The following GPC5 variants were observed in gnomAD, a reference collection of about 807,000 sequenced individuals.
GPC5 encodes glypican-5.
In GPC5, 47 loss-of-function variants were observed where a neutral mutation model predicts 53.9. The ratio of observed to expected loss-of-function variants is 0.87; its 90% confidence interval spans 0.69 to 1.11. GPC5 has a LOEUF of 1.11. Among genes scored for constraint, GPC5 ranks in the 50% most tolerant of loss-of-function variants. The pLI, the probability that GPC5 is intolerant of heterozygous loss-of-function variation, is 0.00. For synonymous variants in GPC5, 286 were observed against 263.3 expected (o/e 1.09, Z -0.84); for missense variants, 748 against 713.1 (o/e 1.05, Z -0.56).
intron 6 of GPC5, among the ~76,000 whole-genome samples, chr13:92,044,034 G>T (rs1307814510): frequency 6.6e-6 from 1 of 152,074 alleles, no homozygotes; most frequent in African/African-American, 2.4e-5. Flanking sequence ...TGTCCCCTTT[G>T]ACTTGAACCA....
chr13:92,210,005 C>T (rs1056372176), intron 7 of GPC5, among the ~76,000 whole-genome samples: 2 of 152,210 alleles, frequency 1.3e-5, no homozygotes, highest in Admixed American at 6.5e-5. Flanking sequence ...AGTCTTTCCA[C>T]GTTCTTCTGC....
chr13:92,312,465 T>G (rs1025831951), intron 7 of GPC5, among the ~76,000 whole-genome samples: 1 of 152,188 alleles, frequency 6.6e-6, no homozygotes, highest in Non-Finnish European at 1.5e-5. Flanking sequence ...GAAAGGAGGT[T>G]GATTATATGA....
intron 6 of GPC5, chr13:91,994,429 A>C (rs933487041): frequency 2.0e-5 from 3 of 152,174 alleles, no homozygotes; most frequent in African/African-American, 4.8e-5. Context: ...AAACCCAGCA[A>C]ATCTTTATAG....
At chr13:92,555,819 C>G (rs1346615803) in intron 7 of GPC5, among the ~76,000 whole-genome samples, 3 of 150,376 alleles carry the variant, frequency 2.0e-5, no homozygotes, top group African/African-American at 7.3e-5. Flanking sequence ...TAGCAAAATA[C>G]ATCTGCTACA....
At chr13:91,563,024 T>G (rs1476498430) in intron 2 of GPC5, among the ~76,000 whole-genome samples, 1 of 152,178 alleles carries the variant, frequency 6.6e-6, no homozygotes, top group Non-Finnish European at 1.5e-5. Flanking sequence ...AACTATCATT[T>G]ACTATCCTGA....
At chr13:92,194,874 A>G (rs1233343918) in intron 7 of GPC5, among the ~76,000 whole-genome samples, 2 of 152,232 alleles carry the variant, frequency 1.3e-5, no homozygotes, top group African/African-American at 4.8e-5. Context: ...TTTTAGGGTC[A>G]TGATTGAATG....
chr13:91,852,648 G>A (rs1472111654), intron 5 of GPC5, among the ~76,000 whole-genome samples: 1 of 151,938 alleles, frequency 6.6e-6, no homozygotes, highest in African/African-American at 2.4e-5. Context: ...CATTTTCTTG[G>A]GAGTATGTCT....
intron 6 of GPC5, among the ~76,000 whole-genome samples, chr13:92,138,712 G>A (rs184309002): frequency 1.3e-5 from 2 of 152,128 alleles, no homozygotes; most frequent in Non-Finnish European, 1.5e-5. Context: ...TCTTGAAAGC[G>A]ATTTAAGAGT....
chr13:92,769,812 A>G (rs1308328376), intron 7 of GPC5, among the ~76,000 whole-genome samples: 1 of 152,218 alleles, frequency 6.6e-6, no homozygotes, highest in Non-Finnish European at 1.5e-5. Flanking sequence ...ACTGAGCTAA[A>G]TGACAGTTTA....
intron 3 of GPC5, among the ~76,000 whole-genome samples, chr13:91,718,902 A>G (rs539098614): frequency 1.3e-5 from 2 of 152,332 alleles, no homozygotes; most frequent in South Asian, 4.1e-4. Context: ...TTAACTTTAT[A>G]TAATTATCAA....
intron 6 of GPC5, among the ~76,000 whole-genome samples, chr13:92,014,776 T>G (rs2040692584): frequency 1.3e-5 from 2 of 152,184 alleles, no homozygotes; most frequent in South Asian, 4.1e-4. Context: ...TTTCTTTTCC[T>G]GAGGTCATCT....
intron 7 of GPC5, among the ~76,000 whole-genome samples, chr13:92,264,414 G>C (rs184577262): frequency 6.6e-6 from 1 of 152,174 alleles, no homozygotes; most frequent in East Asian, 1.9e-4. Flanking sequence ...TTGCTTTAAG[G>C]TGTTTTCCCA....
At chr13:91,862,200 T>C (rs2039037516) in intron 5 of GPC5, among the ~76,000 whole-genome samples, 1 of 152,210 alleles carries the variant, frequency 6.6e-6, no homozygotes, top group Admixed American at 6.5e-5. Flanking sequence ...TAGCATGTTT[T>C]GTAGTGAAGA....
At chr13:91,502,753 G>A (rs778184644) in intron 2 of GPC5, among the ~76,000 whole-genome samples, 47 of 152,130 alleles carry the variant, frequency 3.1e-4, no homozygotes, top group Non-Finnish European at 6.2e-4. Context: ...TAATGTGCTG[G>A]TTACTTTTAG....
intron 2 of GPC5, among the ~76,000 whole-genome samples, chr13:91,574,091 T>G (rs1160153268): frequency 6.6e-6 from 1 of 152,144 alleles, no homozygotes; most frequent in Non-Finnish European, 1.5e-5. Flanking sequence ...AATTGCTAAC[T>G]ATGATGTAAA....
At chr13:91,973,561 G>A (rs371139425) in intron 6 of GPC5, among the ~76,000 whole-genome samples, 20 of 152,104 alleles carry the variant, frequency 1.3e-4, no homozygotes, top group African/African-American at 4.1e-4. Context: ...TAGAGTTTCC[G>A]GTTTTTCTGC....
chr13:92,302,370 G>A (rs991946794), intron 7 of GPC5, among the ~76,000 whole-genome samples: 1 of 152,118 alleles, frequency 6.6e-6, no homozygotes, highest in African/African-American at 2.4e-5. Context: ...AATAACTACA[G>A]TGGAAATTGT....
chr13:92,591,257 C>A (rs1883702984), intron 7 of GPC5, among the ~76,000 whole-genome samples: 1 of 152,088 alleles, frequency 6.6e-6, no homozygotes, highest in Admixed American at 6.5e-5. Flanking sequence ...AGAAGCTTTT[C>A]TCCGTAAGAT....
chr13:92,653,759 C>T (rs1279411090), intron 7 of GPC5, among the ~76,000 whole-genome samples: 1 of 152,124 alleles, frequency 6.6e-6, no homozygotes, highest in Non-Finnish European at 1.5e-5. Flanking sequence ...CAGGCACTGC[C>T]AAGCTATGCC....
Sources: allele counts gnomAD v4.1 joint callset (sites outside exome capture counted in the v4.1 genomes callset), GRCh38; gene constraint gnomAD v4.1.1; transcripts MANE v1.5; gene names NCBI Gene and HGNC (gene_info 2026-07-23, HGNC 2026-07-21).